Variants in DMD observed in about 807,000 individuals in gnomAD.
DMD encodes dystrophin.
A neutral mutation model predicts 330.1 loss-of-function variants in DMD; 63 were observed. That is an observed-to-expected ratio of 0.19 (90% CI 0.16 to 0.24). The LOEUF (loss-of-function observed/expected upper bound fraction) is 0.24, where lower values mean the gene tolerates loss of function less well. DMD is among the 10% of genes least tolerant of loss of function. The probability of loss-of-function intolerance (pLI) is 1.00; values close to 1 mark genes in which losing one functional copy is unlikely to be tolerated. For missense variants in DMD, 3,344 were observed against 2,684.1 expected (o/e 1.25, Z -5.43); for synonymous variants, 1,223 against 959.8 (o/e 1.27, Z -5.07).
chrX:33,258,936 C>T (rs1383627154), intron 1 of DMD, among the ~76,000 whole-genome samples: 1 of 110,948 alleles, frequency 9.0e-6, no homozygotes, highest in East Asian at 2.8e-4. Context: ...ATATATGAGG[C>T]TTTGAATAAC....
At position 31,176,628 on chromosome X, in the gene DMD, CTT is replaced by C. The variant is rs200959946; in HGVS notation, c.10262+1302_10262+1303del. 2.8e-3 allele frequency among the ~76,000 whole-genome samples: 316 copies of C among 111,516 alleles called. 3 individuals carry two copies. The highest frequency in any genetic ancestry group is 0.019 in the Admixed American group (194 of 10,441). ...AAGCTGAAACTGTAGTGTATCAACT[CTT>C]TAAAAGTTTCTTATTTATGAACGGT... On this transcript the variant is annotated intron_variant, in intron 71 of 78. Coordinates refer to ENST00000357033, the MANE Select transcript of DMD (RefSeq NM_004006.3).
intron 2 of DMD, among the ~76,000 whole-genome samples, chrX:32,998,432 C>T: frequency 9.6e-6 from 1 of 103,964 alleles, no homozygotes; most frequent in African/African-American, 3.5e-5. Flanking sequence ...TTCCCCTATG[C>T]AATGTGTTTC....
intron 60 of DMD, among the ~76,000 whole-genome samples, chrX:31,362,820 G>T (rs1219880909): frequency 8.9e-6 from 1 of 112,145 alleles, no homozygotes; most frequent in Admixed American, 9.4e-5. Flanking sequence ...CATGGTGGCG[G>T]GCACCTGTAG....
chrX:31,909,242 C>A (rs2094517394), intron 47 of DMD, among the ~76,000 whole-genome samples: 1 of 111,504 alleles, frequency 9.0e-6, no homozygotes, highest in Non-Finnish European at 1.9e-5. Flanking sequence ...TGTTGTGGTG[C>A]AGCTGTAGAG....
At chrX:31,580,267 C>T (rs2076281329) in intron 55 of DMD, among the ~76,000 whole-genome samples, 2 of 112,151 alleles carry the variant, frequency 1.8e-5, no homozygotes, top group East Asian at 2.8e-4. Flanking sequence ...TTTAGCCAAT[C>T]GGATATTGCA....
At position 32,575,014 on chromosome X, in the gene DMD, C is replaced by A. The variant is rs370071847; in HGVS notation, c.1603-1168G>T. ...CTGGATTCAGGGAATTCTCCTGCCTCAGCCTCCCCAGTAGCTGAGATTACA... is the reference window on the plus strand; with the variant it reads ...CTGGATTCAGGGAATTCTCCTGCCTAAGCCTCCCCAGTAGCTGAGATTACA... On this transcript the variant is annotated intron_variant, in intron 13 of 78. Coordinates refer to ENST00000357033, the MANE Select transcript of DMD (RefSeq NM_004006.3). Among the ~76,000 whole-genome samples, 6 of 110,327 alleles carry A rather than the reference C, an allele frequency of 5.4e-5. No homozygotes were observed. In the South Asian group the frequency reaches 2.4e-3, roughly 43 times the overall value.
In DMD at chrX:32,699,215, A is replaced by G. The variant is rs753509616; in HGVS notation, c.728T>C (p.Val243Ala). The change falls in exon 8 of 79, where the codon GTG becomes GCG. Residue 243 changes from valine (V) to alanine (A), a missense_variant. Physicochemically the swap from Val to Ala is moderately conservative, Grantham distance 64. Coordinates refer to ENST00000357033, the MANE Select transcript of DMD (RefSeq NM_004006.3). ...TSLFQVLPQQVSIEAIQEVEM... is the reference protein window; with the variant it reads ...TSLFQVLPQQASIEAIQEVEM... ...CACTTCCTGGATGGCTTCAATGCTC[A>G]CTTGTTGAGGCAAAACTTGGAAGAG... 5.9e-5 allele frequency: 71 copies of G among 1,207,631 alleles called. No individual in the cohort carries two copies. Among genetic ancestry groups the G allele is most frequent in the Middle Eastern group, 2.3e-4 (1 of 4,365 alleles).
chrX:32,842,923 C>CAG (rs2148970926), intron 4 of DMD, among the ~76,000 whole-genome samples: 1 of 111,497 alleles, frequency 9.0e-6, no homozygotes, highest in Admixed American at 9.5e-5. Context: ...TCTCCTACCT[C>CAG]AGCCTCCCGA....
intron 1 of DMD, among the ~76,000 whole-genome samples, chrX:33,048,788 C>A (rs1208170953): frequency 9.4e-6 from 1 of 106,121 alleles, no homozygotes; most frequent in African/African-American, 3.5e-5. Context: ...AAAGTAATTA[C>A]CACACTCTTC....
intron 2 of DMD, among the ~76,000 whole-genome samples, chrX:32,876,395 C>T (rs2083380586): frequency 8.9e-6 from 1 of 112,089 alleles, no homozygotes; most frequent in Non-Finnish European, 1.9e-5. Context: ...CTAAACCGTT[C>T]TTGTAAGTAC....
intron 43 of DMD, among the ~76,000 whole-genome samples, chrX:32,219,856 T>G (rs1282119594): frequency 8.9e-6 from 1 of 112,167 alleles, no homozygotes; most frequent in Admixed American, 9.5e-5. Context: ...CACAGACTTG[T>G]TTCTCAATCA....
chrX:32,622,850 GT>G (rs1298926416), intron 11 of DMD, among the ~76,000 whole-genome samples: 1 of 111,805 alleles, frequency 8.9e-6, no homozygotes, highest in Non-Finnish European at 1.9e-5. Flanking sequence ...ACGGGGTTGG[GT>G]CGAAGAATTC....
intron 53 of DMD, among the ~76,000 whole-genome samples, chrX:31,660,123 C>A (rs1397177866): frequency 2.7e-5 from 3 of 112,229 alleles, no homozygotes; most frequent in Non-Finnish European, 5.6e-5. Flanking sequence ...AAACTATTAT[C>A]AAGAAGCTAA....
At chrX:32,571,403 G>A (rs1239461505) in intron 15 of DMD, among the ~76,000 whole-genome samples, 2 of 111,206 alleles carry the variant, frequency 1.8e-5, no homozygotes, top group Non-Finnish European at 3.8e-5. Context: ...CTACTTTTTT[G>A]AAATCTTTAT....
intron 7 of DMD, among the ~76,000 whole-genome samples, chrX:32,800,879 C>T (rs182335498): frequency 2.9e-4 from 32 of 111,735 alleles, no homozygotes; most frequent in Non-Finnish European, 4.5e-4. Flanking sequence ...GGACATGAAA[C>T]TCATCCTTTT....
intron 13 of DMD, among the ~76,000 whole-genome samples, chrX:32,574,802 T>A (rs1032571542): frequency 8.9e-6 from 1 of 111,850 alleles, no homozygotes; most frequent in Non-Finnish European, 1.9e-5. Flanking sequence ...ATTTCTATGT[T>A]ACTTTATACT....
chrX:31,660,979 A>G (rs1158385797), intron 53 of DMD, among the ~76,000 whole-genome samples: 3 of 111,888 alleles, frequency 2.7e-5, no homozygotes, highest in Non-Finnish European at 5.6e-5. Context: ...AGATCATAAA[A>G]ATGCCTAAAA....
At chrX:32,379,729 C>T (rs1299059025) in intron 34 of DMD, among the ~76,000 whole-genome samples, 1 of 111,156 alleles carries the variant, frequency 9.0e-6, no homozygotes, top group Non-Finnish European at 1.9e-5. Context: ...TTTGAATAAT[C>T]TGGATAGCCA....
intron 60 of DMD, among the ~76,000 whole-genome samples, chrX:31,384,101 G>T (rs746702672): frequency 1.3e-4 from 14 of 111,326 alleles, no homozygotes; most frequent in Non-Finnish European, 2.6e-4. Context: ...CACCCTCCTA[G>T]ACACTGCCAT....
Sources: gnomAD v4.1 joint callset for allele counts (sites outside exome capture counted in the v4.1 genomes callset) on GRCh38, gnomAD v4.1.1 for gene constraint, MANE v1.5 for transcripts, NCBI Gene and HGNC (gene_info 2026-07-23, HGNC 2026-07-21) for gene names.